Variants in ZDHHC21 observed in about 807,000 individuals in gnomAD.
ZDHHC21 encodes palmitoyltransferase ZDHHC21.
ZDHHC21 carries 15 observed loss-of-function variants against 34.6 expected under a neutral mutation model. The ratio of observed to expected loss-of-function variants is 0.43; its 90% CI spans 0.29 to 0.67. ZDHHC21 has a LOEUF of 0.67. ZDHHC21 is among the 30% of genes least tolerant of loss of function. The pLI is 0.14. For missense variants in ZDHHC21, 344 were observed against 327.7 expected (o/e 1.05, Z -0.38); for synonymous variants, 142 against 101.8 (o/e 1.40, Z -2.38).
chr9:14,683,481 C>T (rs2131630363), intron 2 of ZDHHC21: 1 of 152,068 alleles, frequency 6.6e-6, no homozygotes, highest in South Asian at 2.1e-4. Flanking sequence ...ACACATACAC[C>T]CTCCCAAGAC....
intron 8 of ZDHHC21, among the ~76,000 whole-genome samples, chr9:14,631,529 CT>C (rs1370433341): frequency 6.6e-6 from 1 of 152,174 alleles, no homozygotes; most frequent in Non-Finnish European, 1.5e-5. Context: ...CCTTCAAAAA[CT>C]TTTCCTTTGC....
At chr9:14,632,260 T>C (rs1470656239) in intron 8 of ZDHHC21, among the ~76,000 whole-genome samples, 2 of 152,072 alleles carry the variant, frequency 1.3e-5, no homozygotes, top group East Asian at 1.9e-4. Flanking sequence ...GTCATAAAGA[T>C]AGACATACAG....
At chr9:14,638,277 G>A (rs918279746) in intron 8 of ZDHHC21, among the ~76,000 whole-genome samples, 2 of 151,830 alleles carry the variant, frequency 1.3e-5, no homozygotes, top group Admixed American at 6.6e-5. Flanking sequence ...AACATACATT[G>A]GGGGAAAAAA....
At chr9:14,679,537 G>C (rs899193672) in intron 3 of ZDHHC21, among the ~76,000 whole-genome samples, 4 of 152,108 alleles carry the variant, frequency 2.6e-5, no homozygotes, top group Non-Finnish European at 5.9e-5. Flanking sequence ...TTCTCAATGG[G>C]CTGAAAGAGA....
At chr9:14,679,538 C>G (rs995037879) in intron 3 of ZDHHC21, among the ~76,000 whole-genome samples, 1 of 152,032 alleles carries the variant, frequency 6.6e-6, no homozygotes, top group Admixed American at 6.6e-5. Context: ...TCTCAATGGG[C>G]TGAAAGAGAA....
In ZDHHC21 at chr9:14,615,840, C is replaced by A. The variant is rs531398200; in HGVS notation, c.*3126G>T. 2 of 151,772 alleles carry A rather than the reference C, an allele frequency of 1.3e-5. No individual in the cohort carries two copies. Among genetic ancestry groups the A allele is most frequent in the African/African-American group, 4.8e-5 (2 of 41,516 alleles). 9.4% of individuals were successfully genotyped at this position (151,772 alleles called of 1,614,324 possible). ...TGATGTAAAAACATGCTTTAACATA[C>A]ATTTTGCTTAAAATCAAATAGAATG... On this transcript the variant is annotated 3_prime_UTR_variant, in exon 10 of 10. Transcript: ENST00000380916.
chr9:14,679,585 T>C (rs1837017689), intron 3 of ZDHHC21, among the ~76,000 whole-genome samples: 1 of 152,174 alleles, frequency 6.6e-6, no homozygotes, highest in Non-Finnish European at 1.5e-5. Flanking sequence ...AATATTTATG[T>C]GTTCTTCTAA....
At chr9:14,609,664 T>C (rs1823138644), downstream of ZDHHC21, among the ~76,000 whole-genome samples, 1 of 152,060 alleles carries the variant, frequency 6.6e-6, no homozygotes, top group East Asian at 1.9e-4. Context: ...ACAAGACCAG[T>C]GGTAATATTA....
chr9:14,648,142 T>A (rs1830593209), intron 7 of ZDHHC21, among the ~76,000 whole-genome samples: 1 of 152,126 alleles, frequency 6.6e-6, no homozygotes, highest in Non-Finnish European at 1.5e-5. Context: ...GCATTCTATC[T>A]CACAGCCCAC....
At position 14,639,299 on chromosome 9, in the gene ZDHHC21, C is replaced by T. The variant is rs113484547; in HGVS notation, c.621+597G>A. ...ATATTTTCTCACTCATATGGGAGAG[C>T]CAAAAAAGCTGATCTCATGGAGGTC... On this transcript the variant is annotated intron_variant, in intron 8 of 9. Transcript: ENST00000380916. Among the ~76,000 whole-genome samples, 249 of 151,922 alleles carry T rather than the reference C, an allele frequency of 1.6e-3. 3 individuals carry two copies. The highest frequency in any genetic ancestry group is 5.7e-3 in the African/African-American group (236 of 41,464).
At chr9:14,682,356 C>G (rs911697044) in intron 2 of ZDHHC21, among the ~76,000 whole-genome samples, 14 of 151,998 alleles carry the variant, frequency 9.2e-5, no homozygotes, top group African/African-American at 3.4e-4. Context: ...ATCTACCAAG[C>G]AAATGGAAAA....
At chr9:14,599,084 G>C in the ZDHHC21 span, among the ~76,000 whole-genome samples, 1 of 152,182 alleles carries the variant, frequency 6.6e-6, no homozygotes, top group Non-Finnish European at 1.5e-5. Context: ...ATTTAACGAA[G>C]AGATAAACAT....
intron 5 of ZDHHC21, among the ~76,000 whole-genome samples, chr9:14,667,154 A>C (rs1250778187): frequency 2.3e-5 from 3 of 133,228 alleles, no homozygotes; most frequent in Non-Finnish European, 4.8e-5. Context: ...GCAATAAAAA[A>C]TGATAAAGGG....
At chr9:14,655,150 A>ATTACT (rs1831954275) in intron 7 of ZDHHC21, among the ~76,000 whole-genome samples, 2 of 152,114 alleles carry the variant, frequency 1.3e-5, no homozygotes, top group African/African-American at 4.8e-5. Flanking sequence ...AGTAACAGTA[A>ATTACT]GACCAACAAC....
At chr9:14,684,315 C>T (rs1837923300) in intron 2 of ZDHHC21, among the ~76,000 whole-genome samples, 1 of 151,664 alleles carries the variant, frequency 6.6e-6, no homozygotes, top group African/African-American at 2.4e-5. Context: ...ATTGTCTCAG[C>T]CCAAAATCTC....
At chr9:14,672,094 T>C (rs1835569819) in intron 5 of ZDHHC21, among the ~76,000 whole-genome samples, 1 of 152,140 alleles carries the variant, frequency 6.6e-6, no homozygotes, top group African/African-American at 2.4e-5. Flanking sequence ...ACATATATAC[T>C]GAAGTCATTG....
intron 7 of ZDHHC21, among the ~76,000 whole-genome samples, chr9:14,656,550 A>G (rs1000063008): frequency 2.6e-5 from 4 of 151,976 alleles, no homozygotes; most frequent in Admixed American, 2.6e-4. Flanking sequence ...TGGAAATTTC[A>G]TAACATAATC....
the ZDHHC21 span, chr9:14,589,070 AGCTGTGAT>A: frequency 6.6e-6 from 1 of 152,162 alleles, no homozygotes; most frequent in Non-Finnish European, 1.5e-5. Context: ...TTAGAGAAGA[AGCTGTGAT>A]GCTGTATGAC....
Position 14,619,003 on chromosome 9 carries a change from G to A in ZDHHC21, c.761C>T (p.Pro254Leu). 3 of 1,611,634 alleles carry A rather than the reference G, an allele frequency of 1.9e-6. No individual in the cohort carries two copies. Among genetic ancestry groups the A allele is most frequent in the Non-Finnish European group, 2.5e-6 (3 of 1,178,678 alleles). The change falls in exon 10 of 10, where the codon CCA becomes CTA. Residue 254 changes from proline to leucine, a missense_variant. Pro to Leu is a moderately conservative substitution (Grantham distance 98). Transcript: ENST00000380916. ...LWFIPFRQRQ[P>L]LRVPYHFANH... is the part of the protein sequence containing the mutation. ...GGCAAAGTGGTAGGGAACTCGCAGT[G>A]GTTGCCTCTGCCTGAAAGGAATGAA...
Sources: gnomAD v4.1 joint callset for allele counts (sites outside exome capture counted in the v4.1 genomes callset) on GRCh38, gnomAD v4.1.1 for gene constraint, MANE v1.5 for transcripts, NCBI Gene and HGNC (gene_info 2026-07-23, HGNC 2026-07-21) for gene names.